The following PODXL2 variants were observed in gnomAD, a reference collection of about 807,000 sequenced individuals.
PODXL2 encodes the protein podocalyxin like 2.
Under a neutral mutation model 53.4 loss-of-function variants are expected in PODXL2, and 17 were observed. That is an observed-to-expected ratio of 0.32 (90% confidence interval 0.22 to 0.48). PODXL2 has a LOEUF of 0.48. PODXL2 is among the 20% of genes least tolerant of loss of function. The pLI is 0.99. For missense variants in PODXL2, 673 were observed against 760.0 expected (o/e 0.89, Z 1.35); for synonymous variants, 311 against 306.7 (o/e 1.01, Z -0.15).
At chr3:127,657,276 T>C (rs1482221544) in intron 2 of PODXL2, among the ~76,000 whole-genome samples, 1 of 152,180 alleles carries the variant, frequency 6.6e-6, no homozygotes, top group Non-Finnish European at 1.5e-5. Context: ...TTTAGTCAGC[T>C]TGCCCTCCCA....
At chr3:127,654,143 T>C (rs1336225173) in intron 2 of PODXL2, among the ~76,000 whole-genome samples, 7 of 152,168 alleles carry the variant, frequency 4.6e-5, no homozygotes, top group Non-Finnish European at 8.8e-5. Flanking sequence ...GCATGTCTCT[T>C]TTGTCTCTTT....
At chr3:127,669,319 G>A (rs182012642) in intron 6 of PODXL2, 117 bp downstream of exon 6, 44 of 708,292 alleles carry the variant, frequency 6.2e-5, no homozygotes, top group African/African-American at 3.2e-4. Flanking sequence ...AAGACAGAGC[G>A]TGCTCTGGGC....
At position 127,660,856 on chromosome 3, in the gene PODXL2, G is replaced by T. The variant is rs765812148; in HGVS notation, c.828G>T (p.Gly276=). ...EATVLPAAGL[G]VEFEAPQEAS... is the part of the protein sequence containing the mutation. ...CAGTGCTGCCAGCTGCAGGGCTTGG[G>T]GTAGAGTTCGAGGCTCCTCAGGAAG... The change falls in exon 3 of 8, where the codon GGG becomes GGT. Residue 276 remains glycine, a synonymous_variant. Coordinates refer to ENST00000342480, the MANE Select transcript of PODXL2 (RefSeq NM_015720.4). The T allele has an allele frequency of 1.7e-5, 28 of 1,614,246 alleles. No individual in the cohort carries two copies. Among genetic ancestry groups the T allele is most frequent in the Non-Finnish European group, 2.0e-5 (24 of 1,180,052 alleles).
Position 127,661,087 on chromosome 3 carries a change from A to T in PODXL2, c.1059A>T (p.Glu353Asp). 1 of 1,614,234 alleles carries T rather than the reference A, an allele frequency of 6.2e-7. No homozygotes were observed. Among genetic ancestry groups the T allele is most frequent in the Non-Finnish European group, 8.5e-7 (1 of 1,180,028 alleles). Residue 353 changes from glutamate (E) to aspartate (D), a missense_variant, in exon 3 of 8, where the codon GAA (glutamate) becomes GAT (aspartate). This residue lies in a region of PODXL2 where 588 missense variants were observed against 668.3 expected (regional missense o/e 0.88). Transcript: ENST00000342480. ...LTPSSATLGQ[E>D]DLNQQLLEGQ... ...CTTCCTCTGCTACCTTGGGACAAGA[A>T]GATCTCAACCAGCAGCTCCTAGAAG...
chr3:127,665,415 C>G (rs2107544572), intron 4 of PODXL2, among the ~76,000 whole-genome samples: 1 of 152,212 alleles, frequency 6.6e-6, no homozygotes, highest in Admixed American at 6.5e-5. Context: ...GGAGTTCAGC[C>G]CTCAAGATCT....
chr3:127,668,365 G>T, intron 4 of PODXL2, 76 bp from the exon 5 acceptor site: 2 of 1,326,498 alleles, frequency 1.5e-6, no homozygotes, highest in African/African-American at 1.5e-5. Flanking sequence ...TGAGTACGGG[G>T]CTGGGCCTAG....
intron 1 of PODXL2, among the ~76,000 whole-genome samples, chr3:127,632,737 A>G (rs1469619624): frequency 1.3e-5 from 2 of 152,140 alleles, no homozygotes; most frequent in African/African-American, 4.8e-5. Context: ...ACTTCCCAAG[A>G]GTTTGTAATT....
At chr3:127,671,939 T>C (rs2074846551) in intron 7 of PODXL2, among the ~76,000 whole-genome samples, 1 of 152,002 alleles carries the variant, frequency 6.6e-6, no homozygotes, top group Admixed American at 6.5e-5. Context: ...TGCCCAAGGA[T>C]CAAGGAGAGG....
In PODXL2 at chr3:127,669,098, C is replaced by T. The variant is rs751313044; in HGVS notation, c.1364-43C>T. 1.2e-4 allele frequency: 169 copies of T among 1,441,200 alleles called. 3 individuals are homozygous for T. In the Admixed American group the frequency reaches 3.2e-3, roughly 27 times the overall value. 89.3% of individuals were successfully genotyped at this position (1,441,200 alleles called of 1,614,324 possible). A position where few individuals can be genotyped will look rare whatever the true frequency, so the allele number is the denominator to read the frequency against. ...CCAGAGCCCTTGGAGGGGCACGCACCTCAGCCATGGTCACACTGATAGTGG... is the reference window on the plus strand; with the variant it reads ...CCAGAGCCCTTGGAGGGGCACGCACTTCAGCCATGGTCACACTGATAGTGG... On this transcript the variant is annotated intron_variant, in intron 5 of 7. Transcript: ENST00000342480.
intron 2 of PODXL2, among the ~76,000 whole-genome samples, chr3:127,652,907 A>G (rs111481601): frequency 4.0e-4 from 61 of 152,158 alleles, no homozygotes; most frequent in African/African-American, 1.4e-3. Context: ...GTGGGCATCA[A>G]GGACTTGCCC....
intron 2 of PODXL2, among the ~76,000 whole-genome samples, chr3:127,656,734 C>CA (rs71150487): frequency 0.27 from 7,446 of 27,928 alleles, 2,258 homozygotes; most frequent in East Asian, 0.43. Context: ...GACTCCATCT[C>CA]AAAAAAAAAA....
intron 2 of PODXL2, among the ~76,000 whole-genome samples, chr3:127,647,822 T>C (rs2074665861): frequency 6.6e-6 from 1 of 152,112 alleles, no homozygotes; most frequent in African/African-American, 2.4e-5. Flanking sequence ...TCTCCCTGAG[T>C]CCCAAGCTTG....
Position 127,660,670 on chromosome 3 carries a change from C to T in PODXL2, c.642C>T (p.Thr214=). The change falls in exon 3 of 8, where the codon ACC becomes ACT. Residue 214 remains threonine (T), a synonymous_variant. Coordinates refer to ENST00000342480, the MANE Select transcript of PODXL2 (RefSeq NM_015720.4). ...TTTCTCTCACCAGCAGCAGCCAGAC[C>T]CCAGGGGCCACCAAAAGCAGGCATG... ...RDFSLTSSSQ[T]PGATKSRHED... is the part of the protein sequence containing the mutation. The T allele has an allele frequency of 6.2e-7, 1 of 1,614,164 alleles. No homozygotes were observed. The highest frequency in any genetic ancestry group is 8.5e-7 in the Non-Finnish European group (1 of 1,180,034).
chr3:127,643,773 G>T (rs1424428612), intron 2 of PODXL2, among the ~76,000 whole-genome samples: 2 of 151,926 alleles, frequency 1.3e-5, no homozygotes, highest in Non-Finnish European at 2.9e-5. Context: ...CAGGTAGCTG[G>T]GACTACTGGT....
chr3:127,668,616 T>TGGGAGGGCCC lies in PODXL2; in HGVS notation c.1363+20_1363+29dup. The TGGGAGGGCCC allele has an allele frequency of 2.0e-6, 3 of 1,500,542 alleles. No individual in the cohort carries two copies. Among genetic ancestry groups the TGGGAGGGCCC allele is most frequent in the Non-Finnish European group, 2.7e-6 (3 of 1,121,558 alleles). The allele number at this position is 1,500,542 out of a possible 1,614,324, so 93.0% of individuals were successfully genotyped here. A position where few individuals can be genotyped will look rare whatever the true frequency, so the allele number is the denominator to read the frequency against. ...GAGCAGGGTGAGCGAGGGCAGGTGA[T>TGGGAGGGCCC]GGGAGGGCCCAGGAGGGCAGTGGGA... On this transcript the variant is annotated intron_variant, in intron 5 of 7. Coordinates refer to ENST00000342480, the MANE Select transcript of PODXL2 (RefSeq NM_015720.4).
At chr3:127,667,693 A>G (rs1049867815) in intron 4 of PODXL2, among the ~76,000 whole-genome samples, 1 of 152,242 alleles carries the variant, frequency 6.6e-6, no homozygotes, top group Non-Finnish European at 1.5e-5. Flanking sequence ...ACACGTACAC[A>G]TGGTCAAGAA....
intron 2 of PODXL2, 26 bp downstream of exon 2, chr3:127,639,549 G>A (rs938698322): frequency 1.9e-6 from 3 of 1,584,378 alleles, no homozygotes; most frequent in Non-Finnish European, 2.6e-6. Context: ...TACAGAGCAT[G>A]TGTTGAGTGC....
chr3:127,653,507 G>A (rs533534011), intron 2 of PODXL2, among the ~76,000 whole-genome samples: 4 of 152,140 alleles, frequency 2.6e-5, no homozygotes, highest in Admixed American at 6.5e-5. Context: ...TTAGCTGGGC[G>A]TGGTGGCGTG....
At chr3:127,642,416 T>C (rs1261707968) in intron 2 of PODXL2, among the ~76,000 whole-genome samples, 1 of 152,022 alleles carries the variant, frequency 6.6e-6, no homozygotes, top group African/African-American at 2.4e-5. Context: ...ATGGGCTGGA[T>C]ACAGGTGAAC....
Sources: allele counts gnomAD v4.1 joint callset (sites outside exome capture counted in the v4.1 genomes callset), GRCh38; gene constraint gnomAD v4.1.1; regional missense constraint gnomAD v4.1.1; transcripts MANE v1.5; gene names NCBI Gene and HGNC (gene_info 2026-07-23, HGNC 2026-07-21).